NELL1: variants seen among roughly 807,000 people sequenced by gnomAD.
The protein encoded by NELL1 is neural EGFL like 1.
A neutral mutation model predicts 107.4 loss-of-function variants in NELL1; 76 were observed. The ratio of observed to expected loss-of-function variants is 0.71; its 90% CI spans 0.59 to 0.86. The LOEUF is 0.86. Ranked by LOEUF, NELL1 falls within the 40% of genes least tolerant of loss-of-function variation. The pLI, the probability that NELL1 is intolerant of heterozygous loss-of-function variation, is 0.00. For synonymous variants in NELL1, 353 were observed against 341.2 expected (o/e 1.03, Z -0.38); for missense variants, 1,024 against 1,005.5 (o/e 1.02, Z -0.25).
At chr11:21,568,417 C>T (rs969715268) in intron 17 of NELL1, among the ~76,000 whole-genome samples, 2 of 151,728 alleles carry the variant, frequency 1.3e-5, no homozygotes, top group African/African-American at 4.8e-5. Flanking sequence ...CCTTTATGAA[C>T]CTTGTATACT....
At chr11:21,221,306 C>A (rs868482947) in intron 13 of NELL1, among the ~76,000 whole-genome samples, 5 of 152,088 alleles carry the variant, frequency 3.3e-5, no homozygotes, top group South Asian at 2.1e-4. Flanking sequence ...AGGATTTTTG[C>A]ATCTGTATTA....
At chr11:21,392,369 T>G (rs2133784990) in intron 15 of NELL1, among the ~76,000 whole-genome samples, 1 of 151,972 alleles carries the variant, frequency 6.6e-6, no homozygotes, top group South Asian at 2.1e-4. Context: ...GCTTCTTGGC[T>G]TTCTCCACTC....
At chr11:20,692,316 G>C (rs1447170775) in intron 2 of NELL1, among the ~76,000 whole-genome samples, 1 of 149,372 alleles carries the variant, frequency 6.7e-6, no homozygotes. Flanking sequence ...TTTATTTCTT[G>C]CCTTCTGCTA....
rs1854296741 is a variant in NELL1, at chr11:21,475,199, T to C, written c.1646-59175T>C. Among the ~76,000 whole-genome samples, 3 of 152,134 alleles carry C rather than the reference T, an allele frequency of 2.0e-5. No homozygotes were observed. The South Asian group carries it at 6.2e-4, about 31-fold the overall frequency. ...TATAACACAACTTCCATGAAAGAAC[T>C]TTTATTTATTTTATCTATGCTTTTT... On this transcript the variant is annotated intron_variant, in intron 15 of 19. Coordinates refer to ENST00000357134, the MANE Select transcript of NELL1 (RefSeq NM_006157.5).
chr11:21,280,976 G>C (rs777709868), intron 14 of NELL1, among the ~76,000 whole-genome samples: 5 of 151,808 alleles, frequency 3.3e-5, no homozygotes, highest in Non-Finnish European at 7.4e-5. Flanking sequence ...CACCAGCCAG[G>C]CCAGCTAAGG....
At chr11:20,808,816 C>G (rs1210087929) in intron 3 of NELL1, among the ~76,000 whole-genome samples, 1 of 152,186 alleles carries the variant, frequency 6.6e-6, no homozygotes, top group Non-Finnish European at 1.5e-5. Flanking sequence ...ATTGTACTCC[C>G]TCTCTCCTTA....
rs139018687 is a variant in NELL1, at chr11:21,111,057, T to G, written c.1301-2532T>G. On this transcript the variant is annotated intron_variant, in intron 12 of 19. Coordinates refer to ENST00000357134, the MANE Select transcript of NELL1 (RefSeq NM_006157.5). ...GTCTTCTCAAACATTCTTTTCTGTC[T>G]GGTAGGTTATTGCTCTTCCCTTGGC... Among the ~76,000 whole-genome samples, 346 of 152,272 alleles carry G rather than the reference T, an allele frequency of 2.3e-3. 1 individual carries two copies. The highest frequency in any genetic ancestry group is 8.2e-3 in the African/African-American group (339 of 41,572).
intron 13 of NELL1, among the ~76,000 whole-genome samples, chr11:21,157,985 G>C (rs1204693183): frequency 3.3e-5 from 5 of 152,156 alleles, no homozygotes; most frequent in African/African-American, 4.8e-5. Context: ...AGTGGACTGG[G>C]AGATGCAGAC....
At chr11:21,233,834 C>G (rs759350138) in intron 14 of NELL1, among the ~76,000 whole-genome samples, 1 of 152,176 alleles carries the variant, frequency 6.6e-6, no homozygotes, top group East Asian at 1.9e-4. Context: ...CTGTCATTAG[C>G]TCTGGATAGG....
intron 15 of NELL1, among the ~76,000 whole-genome samples, chr11:21,454,729 C>T (rs1853679081): frequency 6.6e-6 from 1 of 152,224 alleles, no homozygotes; most frequent in Non-Finnish European, 1.5e-5. Context: ...CCCCATTCCT[C>T]AGCTGCAGCG....
chr11:21,336,367 G>T (rs1266806919), intron 14 of NELL1, among the ~76,000 whole-genome samples: 1 of 151,906 alleles, frequency 6.6e-6, no homozygotes, highest in Non-Finnish European at 1.5e-5. Flanking sequence ...ATCACTTGAG[G>T]TTTGTAGAAA....
At chr11:20,992,899 G>A (rs139275969) in intron 12 of NELL1, among the ~76,000 whole-genome samples, 371 of 151,950 alleles carry the variant, frequency 2.4e-3, no homozygotes, top group Middle Eastern at 6.8e-3. Flanking sequence ...TTTTTAAGTA[G>A]AGACGGGGTT....
intron 2 of NELL1, among the ~76,000 whole-genome samples, chr11:20,697,968 G>A (rs928118416): frequency 1.3e-5 from 2 of 152,110 alleles, no homozygotes; most frequent in East Asian, 1.9e-4. Context: ...GTTAAATGCC[G>A]ATCTTCCAGA....
chr11:21,524,067 T>G (rs1185544095), intron 15 of NELL1, among the ~76,000 whole-genome samples: 3 of 152,168 alleles, frequency 2.0e-5, no homozygotes, highest in African/African-American at 2.4e-5. Flanking sequence ...GAACATATTT[T>G]TAATAGTTTC....
At chr11:21,508,388 T>A (rs1041552700) in intron 15 of NELL1, among the ~76,000 whole-genome samples, 1 of 152,156 alleles carries the variant, frequency 6.6e-6, no homozygotes, top group African/African-American at 2.4e-5. Context: ...CACCTACACA[T>A]AGCTATTCAA....
intron 14 of NELL1, among the ~76,000 whole-genome samples, chr11:21,352,623 A>T (rs1850842927): frequency 6.6e-6 from 1 of 152,158 alleles, no homozygotes; most frequent in Non-Finnish European, 1.5e-5. Flanking sequence ...ACACAAATAA[A>T]TTGGGGATGG....
chr11:20,941,070 C>T lies in NELL1; in HGVS notation c.1071+3211C>T, dbSNP rs182142823. The stretch of plus-strand genomic sequence containing the variant: ...AGGAGAATTGCTTGAACCCGGGAGG[C>T]GGAGGTTGCAGTGAGCTGAGATTGT... On this transcript the variant is annotated intron_variant, in intron 10 of 19. Coordinates refer to ENST00000357134, the MANE Select transcript of NELL1 (RefSeq NM_006157.5). Among the ~76,000 whole-genome samples, 367 of 152,128 alleles carry T rather than the reference C, an allele frequency of 2.4e-3. 1 individual carries two copies. The highest frequency in any genetic ancestry group is 8.1e-3 in the African/African-American group (335 of 41,516).
intron 15 of NELL1, among the ~76,000 whole-genome samples, chr11:21,396,297 C>G (rs1241946770): frequency 6.6e-6 from 1 of 151,588 alleles, no homozygotes; most frequent in East Asian, 2.0e-4. Context: ...TATATGATTT[C>G]TTAATTCATT....
intron 15 of NELL1, among the ~76,000 whole-genome samples, chr11:21,423,220 A>G (rs1370571499): frequency 1.3e-5 from 2 of 151,940 alleles, no homozygotes; most frequent in Admixed American, 6.6e-5. Flanking sequence ...CAAAAAAAAA[A>G]TTAGCTGGGT....
Sources: allele counts gnomAD v4.1 joint callset (sites outside exome capture counted in the v4.1 genomes callset), GRCh38; gene constraint gnomAD v4.1.1; transcripts MANE v1.5; gene names NCBI Gene and HGNC (gene_info 2026-07-23, HGNC 2026-07-21).